CSPP1: variants seen among roughly 807,000 people sequenced by gnomAD.
The protein encoded by CSPP1 is centrosome and spindle pole-associated protein 1.
Under a neutral mutation model 164.4 loss-of-function variants are expected in CSPP1, and 126 were observed. The ratio of observed to expected loss-of-function variants is 0.77; its 90% CI spans 0.66 to 0.89. The LOEUF (loss-of-function observed/expected upper bound fraction) is 0.89. Among genes scored for constraint, CSPP1 ranks in the 40% least tolerant of loss-of-function variants. The pLI, the probability that CSPP1 is intolerant of heterozygous loss-of-function variation, is 0.00. For missense variants in CSPP1, 1,395 were observed against 1,449.8 expected (o/e 0.96, Z 0.61); for synonymous variants, 472 against 476.7 (o/e 0.99, Z 0.13).
intron 2 of CSPP1, among the ~76,000 whole-genome samples, chr8:67,076,070 C>T (rs1807842674): frequency 6.6e-6 from 1 of 151,772 alleles, no homozygotes; most frequent in African/African-American, 2.4e-5. Flanking sequence ...TTCTGGGCCT[C>T]CTTACTTTAA....
At chr8:67,129,323 A>T (rs1820737339) in intron 15 of CSPP1, among the ~76,000 whole-genome samples, 1 of 152,166 alleles carries the variant, frequency 6.6e-6, no homozygotes, top group South Asian at 2.1e-4. Context: ...GAAAGGAAGG[A>T]AGGTACAAGG....
intron 29 of CSPP1, among the ~76,000 whole-genome samples, chr8:67,192,914 G>GT (rs913190914): frequency 6.6e-6 from 1 of 152,140 alleles, no homozygotes; most frequent in African/African-American, 2.4e-5. Flanking sequence ...TGCTGCTTCA[G>GT]TTTTTTCCTT....
intron 2 of CSPP1, chr8:67,074,785 G>GC: frequency 3.2e-6 from 1 of 308,928 alleles, no homozygotes; most frequent in Non-Finnish European, 6.1e-6. Flanking sequence ...TAAAATAATT[G>GC]CTTTTTTTTT....
intron 7 of CSPP1, among the ~76,000 whole-genome samples, chr8:67,101,027 T>C (rs1298657318): frequency 6.6e-6 from 1 of 152,120 alleles, no homozygotes; most frequent in Non-Finnish European, 1.5e-5. Flanking sequence ...AAAAGGCACA[T>C]GGAACAAAGT....
intron 3 of CSPP1, among the ~76,000 whole-genome samples, chr8:67,078,213 C>G (rs566551813): frequency 8.3e-4 from 126 of 152,278 alleles, no homozygotes; most frequent in Middle Eastern, 6.8e-3. Context: ...TATGACCTGT[C>G]AGGAGCTACA....
At chr8:67,078,501 T>C (rs558313833) in intron 3 of CSPP1, among the ~76,000 whole-genome samples, 2 of 152,160 alleles carry the variant, frequency 1.3e-5, no homozygotes, top group South Asian at 4.2e-4. Context: ...AGCACCACCA[T>C]GCTGGCTAAC....
At position 67,193,540 on chromosome 8, in the gene CSPP1, G is replaced by GAGTGAGA. The variant is rs1837017907; in HGVS notation, c.3409_3415dup (p.Asn1139SerfsTer4). ...TCCAGTGTAAATGTTGATGAGCTTA[G>GAGTGAGA]AGTGAGAAATGAGGAACGAATGCGA... On this transcript the variant is annotated frameshift_variant, in exon 30 of 31. Transcript: ENST00000678616. LOFTEE classifies it high-confidence loss of function. The GAGTGAGA allele has an allele frequency of 6.2e-7, 1 of 1,613,478 alleles. No individual in the cohort carries two copies. Among genetic ancestry groups the GAGTGAGA allele is most frequent in the Admixed American group, 1.7e-5 (1 of 60,002 alleles).
chr8:67,098,718 T>C (rs1813381065), intron 7 of CSPP1, among the ~76,000 whole-genome samples: 1 of 152,046 alleles, frequency 6.6e-6, no homozygotes, highest in Non-Finnish European at 1.5e-5. Context: ...ATAGTAATCC[T>C]AGTCTTATTT....
intron 29 of CSPP1, among the ~76,000 whole-genome samples, chr8:67,191,754 C>A (rs1836314740): frequency 6.6e-6 from 1 of 152,144 alleles, no homozygotes; most frequent in Non-Finnish European, 1.5e-5. Flanking sequence ...TTTTATTACT[C>A]TCGAATATAT....
chr8:67,140,949 G>T (rs1463136473), intron 17 of CSPP1, among the ~76,000 whole-genome samples: 1 of 152,166 alleles, frequency 6.6e-6, no homozygotes, highest in Non-Finnish European at 1.5e-5. Context: ...TAACCTAACT[G>T]CTTGGGAGGC....
In CSPP1 at chr8:67,177,705, T is replaced by G. The variant is rs1232963161; in HGVS notation, c.3135T>G (p.Ala1045=). 1 of 1,612,158 alleles carries G rather than the reference T, an allele frequency of 6.2e-7. No homozygotes were observed. Among genetic ancestry groups the G allele is most frequent in the Admixed American group, 1.7e-5 (1 of 59,982 alleles). The change falls in exon 27 of 31, where the codon GCT becomes GCG. Residue 1045 remains alanine, a synonymous_variant. Coordinates refer to ENST00000678616, the MANE Select transcript of CSPP1 (RefSeq NM_001382391.1). ...TTGACTTAGATGCCATCCCAAGTGC[T>G]AAAGTACGAGAGCAAAGAATGGTAA... is the stretch of plus-strand genomic sequence containing the variant. ...AKVDLDAIPS[A]KVREQRMPRD...
At chr8:67,131,857 G>T (rs1295399024) in intron 15 of CSPP1, 94 bp from the exon 16 acceptor site, 2 of 1,103,650 alleles carry the variant, frequency 1.8e-6, no homozygotes, top group Non-Finnish European at 1.3e-6. Flanking sequence ...ATTTTTAAAT[G>T]TATTTATATG....
intron 17 of CSPP1, 69 bp from the exon 18 acceptor site, chr8:67,149,714 A>T (rs1825319407): frequency 1.8e-6 from 2 of 1,127,808 alleles, no homozygotes; most frequent in East Asian, 5.6e-5. Flanking sequence ...CTATTTTAAG[A>T]AAATATATTT....
At chr8:67,086,866 G>T in intron 4 of CSPP1, 1 of 1,321,834 alleles carries the variant, frequency 7.6e-7, no homozygotes. Flanking sequence ...TCTGCAATAC[G>T]TCCTCCTTCA....
At position 67,181,399 on chromosome 8, in the gene CSPP1, G is replaced by A. The variant is rs1833006843; in HGVS notation, c.3220+1473G>A. ...CTTTCCAAGGAAGATGCACTGCGGA[G>A]AGAAGGAAAGATAAAACCAGCAGGA... is the stretch of plus-strand genomic sequence containing the variant. On this transcript the variant is annotated intron_variant, in intron 28 of 30. Transcript: ENST00000678616. 2.0e-5 allele frequency among the ~76,000 whole-genome samples: 3 copies of A among 148,706 alleles called. No homozygotes were observed. In the Admixed American group the frequency reaches 2.0e-4, roughly 10 times the overall value.
At chr8:67,159,813 C>T (rs554659707) in intron 21 of CSPP1, among the ~76,000 whole-genome samples, 40 of 150,350 alleles carry the variant, frequency 2.7e-4, no homozygotes, top group Admixed American at 1.9e-3. Context: ...TGAGCCACCA[C>T]GCCCGGCCTT....
rs750586029 is a variant in CSPP1, at chr8:67,161,875, G to A, written c.2603G>A (p.Arg868Lys). ...LQNKIASKLQRPPSVDSIIRS... is the reference protein window; with the variant it reads ...LQNKIASKLQKPPSVDSIIRS... ...AACAAAATTGCAAGCAAACTCCAAA[G>A]ACCTCCTTCAGTTGACAGCATCATA... Residue 868 changes from arginine to lysine, a missense_variant, in exon 22 of 31, where the codon AGA becomes AAA. Coordinates refer to ENST00000678616, the MANE Select transcript of CSPP1 (RefSeq NM_001382391.1). 1.2e-6 allele frequency: 2 copies of A among 1,613,256 alleles called. No homozygotes were observed. The highest frequency in any genetic ancestry group is 4.5e-5 in the East Asian group (2 of 44,858).
intron 10 of CSPP1, among the ~76,000 whole-genome samples, chr8:67,112,436 C>G (rs922682344): frequency 2.1e-4 from 32 of 151,850 alleles, no homozygotes; most frequent in Non-Finnish European, 3.5e-4. Flanking sequence ...TGCACACACA[C>G]ATACATGCAA....
intron 1 of CSPP1, among the ~76,000 whole-genome samples, chr8:67,065,196 TC>T (rs1458092210): frequency 8.5e-5 from 13 of 152,090 alleles, no homozygotes; most frequent in Non-Finnish European, 1.6e-4. Context: ...TGACCGTATT[TC>T]CCCCCGTGAT....
Sources: gnomAD v4.1 joint callset for allele counts (sites outside exome capture counted in the v4.1 genomes callset) on GRCh38, gnomAD v4.1.1 for gene constraint, MANE v1.5 for transcripts, NCBI Gene and HGNC (gene_info 2026-07-23, HGNC 2026-07-21) for gene names.